Variants in ACKR2 observed in about 807,000 individuals in gnomAD.
ACKR2 encodes atypical chemokine receptor 2.
For missense variants in ACKR2, 457 were observed against 477.3 expected (o/e 0.96, Z 0.40); for synonymous variants, 207 against 192.2 (o/e 1.08, Z -0.64).
chr3:42,830,844 T>C (rs1190119271), intron 2 of ACKR2, among the ~76,000 whole-genome samples: 2 of 152,012 alleles, frequency 1.3e-5, no homozygotes, highest in Non-Finnish European at 2.9e-5. Flanking sequence ...TTAGGCTAGA[T>C]AGACATTCTA....
At chr3:42,844,685 C>T (rs1374437777) in intron 2 of ACKR2, among the ~76,000 whole-genome samples, 1 of 152,132 alleles carries the variant, frequency 6.6e-6, no homozygotes, top group Non-Finnish European at 1.5e-5. Context: ...CAGTGAGCAC[C>T]TCTGGCCACA....
rs760448133 is a variant in ACKR2, at chr3:42,865,323, C to T, written c.821C>T (p.Thr274Met). ...FPYNLTLFLH[T>M]LLDLQVFGNC... is the part of the protein sequence containing the mutation. ...TACAATCTCACCTTGTTTCTGCATACGCTGTTGGACCTGCAAGTATTCGGG... is the reference window on the plus strand; with the variant it reads ...TACAATCTCACCTTGTTTCTGCATATGCTGTTGGACCTGCAAGTATTCGGG... The change falls in exon 3 of 3, where the codon ACG (threonine) becomes ATG (methionine). Residue 274 changes from threonine (T) to methionine (M), a missense_variant. Coordinates refer to ENST00000422265, the MANE Select transcript of ACKR2 (RefSeq NM_001296.5). 5.6e-6 allele frequency: 9 copies of T among 1,614,096 alleles called. No individual in the cohort carries two copies. In the Admixed American group the frequency reaches 1.5e-4, roughly 27 times the overall value.
At position 42,865,055 on chromosome 3, in the gene ACKR2, A is replaced by G. The variant is rs765730906; in HGVS notation, c.553A>G (p.Thr185Ala). ...CATCCCTGATATGGTCTTTGTACAG[A>G]CACATGAAAATCCCAAGGGTGTGTG... ...VSIPDMVFVQ[T>A]HENPKGVWNC... Residue 185 changes from threonine to alanine, a missense_variant, in exon 3 of 3, where the codon ACA becomes GCA. Physicochemically the swap from Thr to Ala is moderately conservative, Grantham distance 58. Transcript: ENST00000422265. 6.2e-7 allele frequency: 1 copy of G among 1,614,108 alleles called. No homozygotes were observed. Among genetic ancestry groups the G allele is most frequent in the Non-Finnish European group, 8.5e-7 (1 of 1,180,012 alleles).
rs2088425946 is a variant in ACKR2 at position 42,865,389 on chromosome 3, TAACAGAGA to T, written c.888_895del (p.Thr297HisfsTer50). The T allele has an allele frequency of 6.2e-7, 1 of 1,614,036 alleles. No individual in the cohort carries two copies. The highest frequency in any genetic ancestry group is 8.5e-7 in the Non-Finnish European group (1 of 1,180,030). ...CAGCATCTAGACTACGCACTCCAGG[TAACAGAGA>T]GCATCGCCTTCCTTCACTGCTGCTT... On this transcript the variant is annotated frameshift_variant, in exon 3 of 3. Coordinates refer to ENST00000422265, the MANE Select transcript of ACKR2 (RefSeq NM_001296.5). LOFTEE classifies it low-confidence loss of function (END_TRUNC).
chr3:42,824,859 A>G (rs1700846060), intron 2 of ACKR2, among the ~76,000 whole-genome samples: 1 of 152,146 alleles, frequency 6.6e-6, no homozygotes, highest in Non-Finnish European at 1.5e-5. Context: ...CATATACCAG[A>G]CCATATGTTT....
intron 1 of ACKR2, among the ~76,000 whole-genome samples, chr3:42,812,743 C>T (rs1249748669): frequency 2.6e-5 from 3 of 115,558 alleles, no homozygotes; most frequent in African/African-American, 9.9e-5. Context: ...CTGGAGTGCA[C>T]TGGCATAATC....
chr3:42,828,943 A>T (rs1700901196), intron 2 of ACKR2, among the ~76,000 whole-genome samples: 1 of 152,156 alleles, frequency 6.6e-6, no homozygotes, highest in Non-Finnish European at 1.5e-5. Flanking sequence ...CTTTATTGTG[A>T]TCATCATGGT....
intron 1 of ACKR2, among the ~76,000 whole-genome samples, chr3:42,812,404 C>G (rs986573307): frequency 6.6e-6 from 1 of 152,136 alleles, no homozygotes; most frequent in Non-Finnish European, 1.5e-5. Context: ...AAATTTTTTT[C>G]TGAAGATTGA....
chr3:42,856,113 A>G (rs1224413478), intron 2 of ACKR2: 1 of 431,270 alleles, frequency 2.3e-6, no homozygotes, highest in Non-Finnish European at 4.1e-6. Context: ...AAAAGGGAGG[A>G]GTTGAAGGCC....
At position 42,851,342 on chromosome 3, in the gene ACKR2, G is replaced by T. The variant is rs976318332; in HGVS notation, c.-37-13124G>T. 7 of 984,900 alleles carry T rather than the reference G, an allele frequency of 7.1e-6. No homozygotes were observed. The South Asian group carries it at 1.9e-4, about 26-fold the overall frequency. The allele number at this position is 984,900 out of a possible 1,614,324, so 61.0% of individuals were successfully genotyped here. A position where few individuals can be genotyped will look rare whatever the true frequency, so the allele number is the denominator to read the frequency against. ...GCTGCTGTCCAGAGAGGGGATGAGC[G>T]CATGGAAAGGAATTACACTCTGTCT... On this transcript the variant is annotated intron_variant, in intron 2 of 2. Coordinates refer to ENST00000422265, the MANE Select transcript of ACKR2 (RefSeq NM_001296.5).
In ACKR2 at chr3:42,865,100, G is replaced by T. The variant is rs140255308; in HGVS notation, c.598G>T (p.Gly200Cys). 6.2e-7 allele frequency: 1 copy of T among 1,613,974 alleles called. No homozygotes were observed. The highest frequency in any genetic ancestry group is 1.7e-5 in the Admixed American group (1 of 60,022). Residue 200 changes from glycine to cysteine, a missense_variant, in exon 3 of 3, where the codon GGC (glycine) becomes TGC (cysteine). Transcript: ENST00000422265. ...TGTGTGGAACTGCCACGCAGATTTC[G>T]GCGGGCATGGGACCATTTGGAAGCT... ...KGVWNCHADF[G>C]GHGTIWKLFL... is the part of the protein sequence containing the mutation.
At chr3:42,820,840 C>T (rs914174638) in intron 2 of ACKR2, among the ~76,000 whole-genome samples, 1 of 149,798 alleles carries the variant, frequency 6.7e-6, no homozygotes, top group Non-Finnish European at 1.5e-5. Flanking sequence ...TGTGAGTTCT[C>T]TAGGAATTGG....
intron 2 of ACKR2, among the ~76,000 whole-genome samples, chr3:42,842,109 C>T (rs116176514): frequency 0.012 from 1,760 of 152,250 alleles, 40 homozygotes; most frequent in African/African-American, 0.04. Context: ...CACTGATTGT[C>T]ATTGGAGAGG....
At chr3:42,839,996 C>T (rs1261026521) in intron 2 of ACKR2, among the ~76,000 whole-genome samples, 1 of 152,136 alleles carries the variant, frequency 6.6e-6, no homozygotes, top group Non-Finnish European at 1.5e-5. Flanking sequence ...CAGTGGCTCA[C>T]GCCTGTAATC....
At chr3:42,825,470 G>A (rs1241324814) in intron 2 of ACKR2, among the ~76,000 whole-genome samples, 3 of 151,694 alleles carry the variant, frequency 2.0e-5, no homozygotes, top group East Asian at 1.9e-4. Flanking sequence ...TGATGTTATC[G>A]TAGATATAAT....
chr3:42,850,882 G>A (rs991642000), intron 2 of ACKR2: 1 of 152,494 alleles, frequency 6.6e-6, no homozygotes, highest in African/African-American at 2.4e-5. Context: ...AAGTCTGGGA[G>A]ATGAAACTAT....
At chr3:42,834,613 C>T (rs1700967894) in intron 2 of ACKR2, 1 of 152,072 alleles carries the variant, frequency 6.6e-6, no homozygotes, top group South Asian at 2.1e-4. Context: ...GAGTCTCACT[C>T]TGTCGCCAGG....
chr3:42,824,977 TTA>T lies in ACKR2; in HGVS notation c.-38+5269_-38+5270del, dbSNP rs147102919. ...GTTTCTCCATGTTTCTCTTTTTGAATTATAGCCATCCCAATGGATGTGAAGTG... is the reference window on the plus strand; with the variant it reads ...GTTTCTCCATGTTTCTCTTTTTGAATTAGCCATCCCAATGGATGTGAAGTG... On this transcript the variant is annotated intron_variant, in intron 2 of 2. Coordinates refer to ENST00000422265, the MANE Select transcript of ACKR2 (RefSeq NM_001296.5). Among the ~76,000 whole-genome samples, 119 of 152,270 alleles carry T rather than the reference TTA, an allele frequency of 7.8e-4. 1 individual carries two copies. In the East Asian group the frequency reaches 0.021, roughly 27 times the overall value.
intron 2 of ACKR2, among the ~76,000 whole-genome samples, chr3:42,837,101 C>A (rs1345173315): frequency 6.6e-6 from 1 of 152,160 alleles, no homozygotes; most frequent in African/African-American, 2.4e-5. Flanking sequence ...TCTATCCAAG[C>A]CCCGAAGGCC....
Sources: allele counts gnomAD v4.1 joint callset (sites outside exome capture counted in the v4.1 genomes callset), GRCh38; gene constraint gnomAD v4.1.1; transcripts MANE v1.5; gene names NCBI Gene and HGNC (gene_info 2026-07-23, HGNC 2026-07-21).